The following CUEDC2 variants were observed in gnomAD, a reference collection of about 807,000 sequenced individuals.
CUEDC2 encodes the protein CUE domain containing 2.
CUEDC2 carries 10 observed loss-of-function variants against 36.0 expected under a neutral mutation model. The observed-to-expected ratio is 0.28, with a 90% confidence interval of 0.17 to 0.47. The LOEUF is 0.47. Ranked by LOEUF, CUEDC2 falls within the 20% of genes least tolerant of loss-of-function variation. CUEDC2 has a pLI of 0.99. For synonymous variants in CUEDC2, 133 were observed against 141.8 expected (o/e 0.94, Z 0.44); for missense variants, 269 against 368.1 (o/e 0.73, Z 2.20).
chr10:102,423,884 A>G lies in CUEDC2; in HGVS notation c.595-25T>C. On this transcript the variant is annotated intron_variant, in intron 6 of 8. Transcript: ENST00000369937. This position sits in a 1 kb window ranked among gnomAD's most constrained non-coding sequence, Gnocchi z 5.6. ...CCTGCAGAGAGGGGAGGCCTGGTCT[A>G]GGCCCAAGGGCACCAGCAGGGGAAA... 1.9e-6 allele frequency: 3 copies of G among 1,608,178 alleles called. No homozygotes were observed.
At chr10:102,426,390 C>T (rs2061596625) in intron 1 of CUEDC2, among the ~76,000 whole-genome samples, 1 of 152,170 alleles carries the variant, frequency 6.6e-6, no homozygotes, top group African/African-American at 2.4e-5. Flanking sequence ...ACCTCACACT[C>T]ATCATAGACT....
Position 102,424,243 on chromosome 10 carries a change from G to C in CUEDC2, c.411+21C>G. The stretch of plus-strand genomic sequence containing the variant: ...TTTCCAGCCCCCTGGGTCCCTCATC[G>C]GTACCCTCCTCTACCAGTACCTCAT... On this transcript the variant is annotated intron_variant, in intron 5 of 8. Transcript: ENST00000369937. This position sits in a 1 kb window ranked among gnomAD's most constrained non-coding sequence, Gnocchi z 4.2. 1.2e-6 allele frequency: 2 copies of C among 1,611,870 alleles called. No individual in the cohort carries two copies. Among genetic ancestry groups the C allele is most frequent in the Non-Finnish European group, 1.7e-6 (2 of 1,178,758 alleles).
chr10:102,431,828 C>A (rs540220179), intron 1 of CUEDC2, among the ~76,000 whole-genome samples: 4 of 152,134 alleles, frequency 2.6e-5, no homozygotes. Flanking sequence ...CAGGCCTGGA[C>A]CCTCCAGATG....
intron 1 of CUEDC2, among the ~76,000 whole-genome samples, chr10:102,430,802 A>C (rs577789307): frequency 6.6e-6 from 1 of 152,302 alleles, no homozygotes; most frequent in East Asian, 1.9e-4. Context: ...CTGGTCTGCC[A>C]GACTGGTTTC....
chr10:102,424,233 G>A lies in CUEDC2; in HGVS notation c.411+31C>T. ...TACTCCCCCCTTTCCAGCCCCCTGG[G>A]TCCCTCATCGGTACCCTCCTCTACC... is the stretch of plus-strand genomic sequence containing the variant. On this transcript the variant is annotated intron_variant, in intron 5 of 8. Coordinates refer to ENST00000369937, the MANE Select transcript of CUEDC2 (RefSeq NM_024040.3). The surrounding 1 kb of genome is among the most constrained non-coding windows in gnomAD (Gnocchi z 4.2). The A allele has an allele frequency of 6.2e-7, 1 of 1,611,260 alleles. No homozygotes were observed. Among genetic ancestry groups the A allele is most frequent in the Non-Finnish European group, 8.5e-7 (1 of 1,178,316 alleles).
At chr10:102,426,650 T>TAA (rs1350469049) in intron 1 of CUEDC2, among the ~76,000 whole-genome samples, 1 of 152,114 alleles carries the variant, frequency 6.6e-6, no homozygotes, top group African/African-American at 2.4e-5. Flanking sequence ...TTCTTTTTTT[T>TAA]AGGCAGGGTC....
Position 102,423,356 on chromosome 10 carries a change from AGG to A in CUEDC2, c.*68_*69del. On this transcript the variant is annotated 3_prime_UTR_variant, in exon 9 of 9. Transcript: ENST00000369937. This position sits in a 1 kb window ranked among gnomAD's most constrained non-coding sequence, Gnocchi z 5.6. ...GACAGGAGTTAGGGGGCCCCTGTGT[AGG>A]GGTATAGGGCTCCTGCATCCCTCTG... 6.3e-7 allele frequency: 1 copy of A among 1,593,542 alleles called. No individual in the cohort carries two copies. The highest frequency in any genetic ancestry group is 1.1e-5 in the South Asian group (1 of 90,334).
At chr10:102,429,557 T>C (rs2061609102) in intron 1 of CUEDC2, among the ~76,000 whole-genome samples, 2 of 150,154 alleles carry the variant, frequency 1.3e-5, no homozygotes, top group Non-Finnish European at 3.0e-5. Flanking sequence ...CAGGGGTCAC[T>C]TTGGAAAGCA....
intron 1 of CUEDC2, among the ~76,000 whole-genome samples, chr10:102,430,232 G>C (rs1021031474): frequency 1.3e-5 from 2 of 149,440 alleles, no homozygotes; most frequent in Non-Finnish European, 3.0e-5. Flanking sequence ...GCAATGGCGC[G>C]ATCTTGGCTC....
chr10:102,426,905 C>T (rs771341685), intron 1 of CUEDC2, among the ~76,000 whole-genome samples: 3 of 151,938 alleles, frequency 2.0e-5, no homozygotes, highest in Non-Finnish European at 4.4e-5. Flanking sequence ...CAAAGCAGTT[C>T]GCCCACCTCA....
rs752010575 is a variant in CUEDC2 at position 102,423,820 on chromosome 10, G to T, written c.634C>A (p.Leu212Met). ...CACTTCTGCAGGATGAAGGACTTCA[G>T]CTCATCCTTTTGGGGGCCTCTGAGG... ...RRLRGPQKDE[L>M]KSFILQKYMM... Residue 212 changes from leucine to methionine, a missense_variant, in exon 7 of 9, where the codon CTG becomes ATG. Physicochemically the swap from Leu to Met is conservative, Grantham distance 15. Transcript: ENST00000369937. The surrounding 1 kb of genome is among the most constrained non-coding windows in gnomAD (Gnocchi z 5.6). 3.1e-6 allele frequency: 5 copies of T among 1,613,812 alleles called. No individual in the cohort carries two copies. The highest frequency in any genetic ancestry group is 4.2e-6 in the Non-Finnish European group (5 of 1,179,964).
intron 1 of CUEDC2, among the ~76,000 whole-genome samples, chr10:102,431,619 C>T (rs1337646437): frequency 1.3e-5 from 2 of 152,192 alleles, no homozygotes; most frequent in East Asian, 1.9e-4. Context: ...TGGCCCCATC[C>T]TATATTCTGA....
rs1020309010 is a variant in CUEDC2 at position 102,424,931 on chromosome 10, C to G, written c.75-139G>C. The G allele has an allele frequency of 9.7e-7, 1 of 1,033,368 alleles. No homozygotes were observed. The highest frequency in any genetic ancestry group is 1.4e-6 in the Non-Finnish European group (1 of 709,926). The allele number at this position is 1,033,368 out of a possible 1,614,324, so 64.0% of individuals were successfully genotyped here. A position where few individuals can be genotyped will look rare whatever the true frequency, so the allele number is the denominator to read the frequency against. ...TCTTTAAGGCCAGAGAGTATAACCC[C>G]CTCCCTCAGAGCTATGGTTTCCCAT... is the stretch of plus-strand genomic sequence containing the variant. On this transcript the variant is annotated intron_variant, in intron 2 of 8. Coordinates refer to ENST00000369937, the MANE Select transcript of CUEDC2 (RefSeq NM_024040.3). The surrounding 1 kb of genome is among the most constrained non-coding windows in gnomAD (Gnocchi z 4.2).
Position 102,424,676 on chromosome 10 carries a change from T to C in CUEDC2, c.191A>G (p.Tyr64Cys). The change falls in exon 3 of 9, where the codon TAT becomes TGT. Residue 64 changes from tyrosine to cysteine, a missense_variant. By Grantham distance (194) the Tyr-to-Cys change is radical. Transcript: ENST00000369937. The surrounding 1 kb of genome is among the most constrained non-coding windows in gnomAD (Gnocchi z 4.2). ...GGGGATGTGGGCGAAGCCAGGCACA[T>C]AGGCCTCCATCATCTCAGTGAAAGC... Reference protein sequence around the residue: ...MEAFTEMMEAYVPGFAHIPRG... With the variant: ...MEAFTEMMEACVPGFAHIPRG... The C allele has an allele frequency of 6.2e-7, 1 of 1,614,198 alleles. No individual in the cohort carries two copies. The highest frequency in any genetic ancestry group is 8.5e-7 in the Non-Finnish European group (1 of 1,180,024).
chr10:102,423,913 A>T lies in CUEDC2; in HGVS notation c.595-54T>A, dbSNP rs2074043294. On this transcript the variant is annotated intron_variant, in intron 6 of 8. Coordinates refer to ENST00000369937, the MANE Select transcript of CUEDC2 (RefSeq NM_024040.3). This position sits in a 1 kb window ranked among gnomAD's most constrained non-coding sequence, Gnocchi z 5.6. ...CCAAGGGCACCAGCAGGGGAAACAG[A>T]TGGGGATAGGTAGGGGTTGGGGCTT... 1 of 1,602,068 alleles carries T rather than the reference A, an allele frequency of 6.2e-7. No homozygotes were observed. The highest frequency in any genetic ancestry group is 8.5e-7 in the Non-Finnish European group (1 of 1,173,564).
Position 102,424,381 on chromosome 10 carries a change from C to G in CUEDC2, c.294G>C (p.Pro98=), listed in dbSNP as rs374054435. The G allele has an allele frequency of 6.2e-7, 1 of 1,613,866 alleles. No individual in the cohort carries two copies. The highest frequency in any genetic ancestry group is 8.5e-7 in the Non-Finnish European group (1 of 1,179,956). ...SDARNKENLQ[P]QSSGVQGQVP... Reference sequence around the variant, plus strand: ...CCTGACCTTGGACACCAGAGCTCTGCGGTTGCAGGTTCTCTTAAAGAGGCA... The same window carrying G: ...CCTGACCTTGGACACCAGAGCTCTGGGGTTGCAGGTTCTCTTAAAGAGGCA... Residue 98 remains proline, a synonymous_variant, in exon 5 of 9, where the codon CCG becomes CCC. Coordinates refer to ENST00000369937, the MANE Select transcript of CUEDC2 (RefSeq NM_024040.3). The surrounding 1 kb of genome is among the most constrained non-coding windows in gnomAD (Gnocchi z 4.2).
At position 102,430,824 on chromosome 10, in the gene CUEDC2, C is replaced by G. The variant is rs1282368643; in HGVS notation, c.-11+1702G>C. On this transcript the variant is annotated intron_variant, in intron 1 of 8. Transcript: ENST00000369937. ...GCCAGACTGGTTTCCTAAGTAGCAC[C>G]TAAGCAGCCACCCTTCTCCAGGGTA... 2.0e-5 allele frequency among the ~76,000 whole-genome samples: 3 copies of G among 152,266 alleles called. No individual in the cohort carries two copies. The East Asian group carries it at 5.8e-4, about 29-fold the overall frequency.
intron 1 of CUEDC2, among the ~76,000 whole-genome samples, chr10:102,430,961 G>A (rs2061614766): frequency 6.6e-6 from 1 of 152,176 alleles, no homozygotes; most frequent in Non-Finnish European, 1.5e-5. Flanking sequence ...TACCAAATGT[G>A]ACTGTCATCC....
intron 1 of CUEDC2, among the ~76,000 whole-genome samples, chr10:102,429,568 G>A (rs1402539392): frequency 1.3e-5 from 2 of 150,054 alleles, no homozygotes; most frequent in Non-Finnish European, 3.0e-5. Context: ...TTGGAAAGCA[G>A]GACTGAGAAG....
Sources: gnomAD v4.1 joint callset for allele counts (sites outside exome capture counted in the v4.1 genomes callset) on GRCh38, gnomAD v4.1.1 for gene constraint, Gnocchi (gnomAD v3.1) non-coding constraint, MANE v1.5 for transcripts, NCBI Gene and HGNC (gene_info 2026-07-23, HGNC 2026-07-21) for gene names.